Variants in PDE7A observed in about 807,000 individuals in gnomAD.
The protein encoded by PDE7A is high affinity 3',5'-cyclic-AMP phosphodiesterase 7A.
PDE7A carries 39 observed loss-of-function variants against 64.3 expected under a neutral mutation model. That is an observed-to-expected ratio of 0.61 (90% CI 0.47 to 0.79). The LOEUF (loss-of-function observed/expected upper bound fraction) is 0.79, where lower values mean the gene tolerates loss of function less well. PDE7A is among the 30% of genes least tolerant of loss of function. The probability of loss-of-function intolerance (pLI) is 0.00; values close to 1 mark genes in which losing one functional copy is unlikely to be tolerated. For synonymous variants in PDE7A, 203 were observed against 206.8 expected, an observed-to-expected ratio of 0.98 and a Z score of 0.16; for missense variants, 470 against 582.8, an observed-to-expected ratio of 0.81 and a Z score of 1.99.
chr8:65,780,408 T>C (rs1024456788), intron 2 of PDE7A, among the ~76,000 whole-genome samples: 1 of 152,220 alleles, frequency 6.6e-6, no homozygotes, highest in East Asian at 1.9e-4. Flanking sequence ...TCATTGACAG[T>C]GGGTACATCC....
At chr8:65,827,189 C>T (rs1430778159) in intron 1 of PDE7A, among the ~76,000 whole-genome samples, 1 of 152,162 alleles carries the variant, frequency 6.6e-6, no homozygotes, top group African/African-American at 2.4e-5. Flanking sequence ...CCTTCCCGCT[C>T]CAAAAGTGTT....
Position 65,718,985 on chromosome 8 carries a change from G to C in PDE7A, c.*305C>G, listed in dbSNP as rs1362314301. 4 of 386,942 alleles carry C rather than the reference G, an allele frequency of 1.0e-5. No individual in the cohort carries two copies. The highest frequency in any genetic ancestry group is 1.9e-5 in the Non-Finnish European group (4 of 209,444). 24.0% of individuals were successfully genotyped at this position (386,942 alleles called of 1,614,324 possible). On this transcript the variant is annotated 3_prime_UTR_variant, in exon 13 of 13. Coordinates refer to ENST00000401827, the MANE Select transcript of PDE7A (RefSeq NM_001242318.3). ...AAGTTTCACGTTTTGAAGATTAGAT[G>C]CTTTGAAAAAGTCGTGGCACATATC...
chr8:65,838,547 A>C (rs1053975595), intron 1 of PDE7A: 3 of 152,242 alleles, frequency 2.0e-5, no homozygotes, highest in African/African-American at 7.2e-5. Context: ...TGTCCATTTC[A>C]GTTCAGCATC....
At chr8:65,836,135 G>C (rs1460736963) in intron 1 of PDE7A, among the ~76,000 whole-genome samples, 1 of 152,098 alleles carries the variant, frequency 6.6e-6, no homozygotes, top group Non-Finnish European at 1.5e-5. Context: ...CTTCCCTTGG[G>C]GTATCCCACT....
intron 1 of PDE7A, among the ~76,000 whole-genome samples, chr8:65,821,439 G>A (rs1810539800): frequency 6.6e-6 from 1 of 152,100 alleles, no homozygotes; most frequent in South Asian, 2.1e-4. Flanking sequence ...TAAAAACTTT[G>A]CCATCCTCTC....
rs756389915 is a variant in PDE7A, at chr8:65,719,312, G to C, written c.1427C>G (p.Pro476Arg). 2 of 1,613,616 alleles carry C rather than the reference G, an allele frequency of 1.2e-6. No homozygotes were observed. The highest frequency in any genetic ancestry group is 4.5e-5 in the East Asian group (2 of 44,878). Residue 476 changes from proline (P) to arginine (R), a missense_variant, in exon 13 of 13, where the codon CCT becomes CGT. By Grantham distance (103) the Pro-to-Arg change is moderately radical. Transcript: ENST00000401827. ...GGGTTATGATAACCGATTTTCCTGA[G>C]GTAATAACTGTGAGTTCAACTCAAA... ...AAFELNSQLLPQENRLS is the reference protein window; with the variant it reads ...AAFELNSQLLRQENRLS
At chr8:65,734,318 C>T (rs60112143) in intron 7 of PDE7A, among the ~76,000 whole-genome samples, 3,865 of 152,330 alleles carry the variant, frequency 0.025, 158 homozygotes, top group African/African-American at 0.087. Context: ...AAACTATCCA[C>T]ATCCCTACTT....
chr8:65,837,768 T>C (rs762506260), intron 1 of PDE7A, among the ~76,000 whole-genome samples: 2 of 152,182 alleles, frequency 1.3e-5, no homozygotes, highest in Non-Finnish European at 2.9e-5. Context: ...ATACCATTAA[T>C]ACAGTGAGAA....
chr8:65,747,826 T>C, intron 3 of PDE7A, 23 bp from the exon 4 acceptor site: 1 of 1,561,520 alleles, frequency 6.4e-7, no homozygotes, highest in Non-Finnish European at 8.8e-7. Context: ...GAATAAAAGG[T>C]AAGTATAGCA....
In PDE7A at chr8:65,841,485, C is replaced by A; in HGVS notation, c.24G>T (p.Pro8=). Residue 8 remains proline (P), a synonymous_variant, in exon 1 of 13, where the codon CCG becomes CCT. Transcript: ENST00000401827. Reference sequence around the variant, plus strand: ...GGACCGGCCTGTCCAGGGGCAGTACCGGCAGCTGGTAACACACTTCCATTG... The same window carrying A: ...GGACCGGCCTGTCCAGGGGCAGTACAGGCAGCTGGTAACACACTTCCATTG... MEVCYQL[P]VLPLDRPVPQ... is the part of the protein sequence containing the mutation. 2 of 1,546,624 alleles carry A rather than the reference C, an allele frequency of 1.3e-6. No homozygotes were observed. Among genetic ancestry groups the A allele is most frequent in the Non-Finnish European group, 1.7e-6 (2 of 1,153,464 alleles).
intron 1 of PDE7A, among the ~76,000 whole-genome samples, chr8:65,829,085 A>C (rs1164654909): frequency 6.6e-6 from 1 of 152,138 alleles, no homozygotes; most frequent in African/African-American, 2.4e-5. Flanking sequence ...TTTACACAAA[A>C]AGTAAAATTT....
At chr8:65,775,075 A>G (rs569067684) in intron 3 of PDE7A, among the ~76,000 whole-genome samples, 1 of 152,296 alleles carries the variant, frequency 6.6e-6, no homozygotes, top group South Asian at 2.1e-4. Context: ...GTGTTCAAAT[A>G]TATTTTTGGG....
In PDE7A at chr8:65,773,285, C is replaced by A. The variant is rs149918128; in HGVS notation, c.283+6435G>T. Among the ~76,000 whole-genome samples, 386 of 152,142 alleles carry A rather than the reference C, an allele frequency of 2.5e-3. 5 individuals carry two copies. In the South Asian group the frequency reaches 0.033, roughly 13 times the overall value. On this transcript the variant is annotated intron_variant, in intron 3 of 12. Transcript: ENST00000401827. ...ATGCATTTTTCTCTATTAAAAAAAA[C>A]TCCTCTAAATTATATTACCATGGTG...
chr8:65,841,359 G>A lies in PDE7A; in HGVS notation c.138+12C>T, dbSNP rs755091873. 2 of 1,530,644 alleles carry A rather than the reference G, an allele frequency of 1.3e-6. No individual in the cohort carries two copies. Among genetic ancestry groups the A allele is most frequent in the Non-Finnish European group, 1.8e-6 (2 of 1,141,616 alleles). 94.8% of individuals were successfully genotyped at this position (1,530,644 alleles called of 1,614,324 possible). ...AGAAGCCCTCAAGTGTGGGCCCGGC[G>A]GCGGCGATTACCTGAGAGAGCTGCC... On this transcript the variant is annotated intron_variant, in intron 1 of 12. Transcript: ENST00000401827.
chr8:65,745,948 G>C (rs1360686124), intron 4 of PDE7A, among the ~76,000 whole-genome samples: 2 of 147,472 alleles, frequency 1.4e-5, no homozygotes, highest in Non-Finnish European at 2.9e-5. Flanking sequence ...CTTTGAGACA[G>C]GGTCTCACAC....
chr8:65,768,665 A>T (rs754953363), intron 3 of PDE7A, among the ~76,000 whole-genome samples: 5 of 152,252 alleles, frequency 3.3e-5, no homozygotes, highest in Non-Finnish European at 7.3e-5. Context: ...ATCACAAAAT[A>T]GAACATTTCC....
In PDE7A at chr8:65,812,409, G is replaced by A. The variant is rs551241261; in HGVS notation, c.138+28962C>T. 2.0e-5 allele frequency among the ~76,000 whole-genome samples: 3 copies of A among 152,142 alleles called. No individual in the cohort carries two copies. The South Asian group carries it at 6.2e-4, about 32-fold the overall frequency. On this transcript the variant is annotated intron_variant, in intron 1 of 12. Transcript: ENST00000401827. ...TATACCACAATAAATTCCAGATGGA[G>A]CAAAGATCAAAACATGAAAAACAAA...
In PDE7A at chr8:65,841,391, TG is replaced by T; in HGVS notation, c.117del (p.Asn40IlefsTer27). 6.4e-7 allele frequency: 1 copy of T among 1,559,694 alleles called. No individual in the cohort carries two copies. Among genetic ancestry groups the T allele is most frequent in the Non-Finnish European group, 8.6e-7 (1 of 1,157,668 alleles). On this transcript the variant is annotated frameshift_variant, in exon 1 of 13. Transcript: ENST00000401827. LOFTEE classifies it high-confidence loss of function. Reference protein sequence around the residue: ...FSSSSALFGCPNPRQLSQRRG... With the variant: ...FSSSSALFGCXNPRQLSQRRG... ...ATTACCTGAGAGAGCTGCCGGGGAT[TG>T]GGGCAGCCGAAGAGAGCGGAGCTGG...
intron 3 of PDE7A, among the ~76,000 whole-genome samples, 162 bp from the exon 4 acceptor site, chr8:65,747,965 TA>T (rs1337469729): frequency 6.6e-6 from 1 of 152,152 alleles, no homozygotes; most frequent in Non-Finnish European, 1.5e-5. Flanking sequence ...TATTTTATTT[TA>T]TTTTTTTAAG....
Sources: allele counts gnomAD v4.1 joint callset (sites outside exome capture counted in the v4.1 genomes callset), GRCh38; gene constraint gnomAD v4.1.1; transcripts MANE v1.5; gene names NCBI Gene and HGNC (gene_info 2026-07-23, HGNC 2026-07-21).